ZBTB44: variants seen among roughly 807,000 people sequenced by gnomAD.
The protein encoded by ZBTB44 is zinc finger and BTB domain containing 44.
In ZBTB44, 15 loss-of-function variants were observed where a neutral mutation model predicts 54.0. That is an observed-to-expected ratio of 0.28 (90% CI 0.19 to 0.43). The LOEUF (loss-of-function observed/expected upper bound fraction) is 0.43, where lower values mean the gene tolerates loss of function less well. ZBTB44 is among the 20% of genes least tolerant of loss of function. The pLI is 1.00. For synonymous variants in ZBTB44, 230 were observed against 250.1 expected (o/e 0.92, Z 0.76); for missense variants, 487 against 707.1 (o/e 0.69, Z 3.53).
chr11:130,229,606 G>C lies in ZBTB44; in HGVS notation c.*2158C>G, dbSNP rs1316933043. 6.6e-6 allele frequency: 1 copy of C among 152,178 alleles called. No homozygotes were observed. The highest frequency in any genetic ancestry group is 2.4e-5 in the African/African-American group (1 of 41,470). 9.4% of individuals were successfully genotyped at this position (152,178 alleles called of 1,614,324 possible). ...AACTTAATTTAAATGTTCATAGTTT[G>C]AGTTTAAAGCCTGTGGGAGTATGCT... On this transcript the variant is annotated 3_prime_UTR_variant, in exon 8 of 8. Transcript: ENST00000357899.
intron 1 of ZBTB44, among the ~76,000 whole-genome samples, chr11:130,281,848 GC>G (rs956083746): frequency 6.6e-6 from 1 of 152,098 alleles, no homozygotes; most frequent in South Asian, 2.1e-4. Context: ...CTCGTGATCC[GC>G]CCGCCTTGGC....
chr11:130,278,714 C>T (rs1291807614), intron 1 of ZBTB44, among the ~76,000 whole-genome samples: 1 of 152,150 alleles, frequency 6.6e-6, no homozygotes, highest in African/African-American at 2.4e-5. Context: ...AAGAAGAGCA[C>T]TGCTAGTGAA....
Position 130,238,549 on chromosome 11 carries a change from C to T in ZBTB44, c.1162G>A (p.Glu388Lys), listed in dbSNP as rs1181718028. ...LYIAPSTSST[E>K]RPSPNGPDRP... ...TCGGGACCATTTGGACTTGGTCGCT[C>T]TGTACTGCTGGTGGAAGGAGCAATG... The change falls in exon 4 of 8, where the codon GAG becomes AAG. Residue 388 changes from glutamate to lysine, a missense_variant. Around this residue, in one of 3 missense-constraint regions of ZBTB44, gnomAD observed 277 missense variants for 306.5 expected, o/e 0.90. Coordinates refer to ENST00000357899, the MANE Select transcript of ZBTB44 (RefSeq NM_001301098.2). The T allele has an allele frequency of 6.2e-7, 1 of 1,613,046 alleles. No individual in the cohort carries two copies. The highest frequency in any genetic ancestry group is 1.7e-5 in the Admixed American group (1 of 59,892).
At chr11:130,233,907 G>A (rs1176608132) in intron 6 of ZBTB44, 5 of 84,468 alleles carry the variant, frequency 5.9e-5, no homozygotes, top group African/African-American at 9.7e-5. Flanking sequence ...GGCTTTTTTT[G>A]TTTAAAAAAT....
At chr11:130,290,103 C>T (rs1046159194) in intron 1 of ZBTB44, among the ~76,000 whole-genome samples, 2 of 152,292 alleles carry the variant, frequency 1.3e-5, no homozygotes, top group South Asian at 2.1e-4. Flanking sequence ...GCCCTAAATA[C>T]AGTCACAAGT....
rs1591922833 is a variant in ZBTB44, at chr11:130,236,338, AT to A, written c.1568+454del. The A allele has an allele frequency of 4.1e-6, 4 of 970,138 alleles. No homozygotes were observed. The East Asian group carries it at 2.5e-4, about 62-fold the overall frequency. 60.1% of individuals were successfully genotyped at this position (970,138 alleles called of 1,614,324 possible). A position where few individuals can be genotyped will look rare whatever the true frequency, so the allele number is the denominator to read the frequency against. On this transcript the variant is annotated intron_variant, in intron 5 of 7. Coordinates refer to ENST00000357899, the MANE Select transcript of ZBTB44 (RefSeq NM_001301098.2). Reference sequence around the variant, plus strand: ...CACACCCACTATAGTTGCCTTTGAAATTTTTCTTACTGGCCAATGGCTATTC... The same window carrying A: ...CACACCCACTATAGTTGCCTTTGAAATTTTCTTACTGGCCAATGGCTATTC...
chr11:130,288,131 G>A (rs1412963409), intron 1 of ZBTB44, among the ~76,000 whole-genome samples: 1 of 152,152 alleles, frequency 6.6e-6, no homozygotes, highest in Non-Finnish European at 1.5e-5. Context: ...TCAGCACTAT[G>A]GGAGGCTGAG....
At chr11:130,299,225 T>G (rs1314536769) in intron 1 of ZBTB44, among the ~76,000 whole-genome samples, 1 of 152,104 alleles carries the variant, frequency 6.6e-6, no homozygotes, top group African/African-American at 2.4e-5. Context: ...TCTTAATAAA[T>G]TTTAAAGGAA....
At chr11:130,272,353 C>T (rs1939735369) in intron 1 of ZBTB44, among the ~76,000 whole-genome samples, 1 of 152,212 alleles carries the variant, frequency 6.6e-6, no homozygotes, top group African/African-American at 2.4e-5. Flanking sequence ...TTTTAATTTA[C>T]ATTTCCCTGA....
intron 1 of ZBTB44, among the ~76,000 whole-genome samples, chr11:130,278,464 G>C (rs1002238486): frequency 6.6e-6 from 1 of 152,118 alleles, no homozygotes; most frequent in African/African-American, 2.4e-5. Context: ...GTTTGTATGG[G>C]AAGTTTTCTG....
chr11:130,279,372 G>A (rs1315347408), intron 1 of ZBTB44, among the ~76,000 whole-genome samples: 1 of 151,676 alleles, frequency 6.6e-6, no homozygotes, highest in African/African-American at 2.4e-5. Flanking sequence ...TCAAAATGTG[G>A]CTCAGGTTGG....
chr11:130,268,162 G>T (rs1415198862), intron 1 of ZBTB44, among the ~76,000 whole-genome samples: 1 of 150,708 alleles, frequency 6.6e-6, no homozygotes, highest in Non-Finnish European at 1.5e-5. Context: ...GGGAGGCTGA[G>T]GCAGGAAGAC....
chr11:130,297,452 A>G (rs17174514), intron 1 of ZBTB44, among the ~76,000 whole-genome samples: 6,244 of 152,312 alleles, frequency 0.041, 316 homozygotes, highest in African/African-American at 0.12. Flanking sequence ...TTAACTTTAT[A>G]TATGTCTTGG....
At chr11:130,260,520 T>C (rs1938785577) in intron 2 of ZBTB44, among the ~76,000 whole-genome samples, 1 of 152,238 alleles carries the variant, frequency 6.6e-6, no homozygotes, top group African/African-American at 2.4e-5. Flanking sequence ...CTATGTGTTT[T>C]TCTTTATGTA....
chr11:130,255,016 T>C (rs542442683), intron 2 of ZBTB44, among the ~76,000 whole-genome samples: 5 of 131,202 alleles, frequency 3.8e-5, no homozygotes, highest in Non-Finnish European at 3.0e-5. Context: ...TAGATGGGAA[T>C]TGAACAATGA....
At chr11:130,250,374 A>G (rs1181215049) in intron 2 of ZBTB44, among the ~76,000 whole-genome samples, 1 of 152,200 alleles carries the variant, frequency 6.6e-6, no homozygotes, top group Non-Finnish European at 1.5e-5. Flanking sequence ...CAGGTTCTGA[A>G]GAGAGCAGCG....
chr11:130,239,621 A>T, intron 3 of ZBTB44, 191 bp downstream of exon 3: 1 of 436,878 alleles, frequency 2.3e-6, no homozygotes, highest in Non-Finnish European at 4.1e-6. Flanking sequence ...GTAGTTTTGG[A>T]AATGCTGGGG....
At chr11:130,249,805 C>T (rs887266972) in intron 2 of ZBTB44, among the ~76,000 whole-genome samples, 12 of 152,192 alleles carry the variant, frequency 7.9e-5, no homozygotes, top group East Asian at 3.9e-4. Flanking sequence ...ACTAGGGCCC[C>T]GGGTTTCAAG....
At chr11:130,255,650 C>G (rs904153422) in intron 2 of ZBTB44, among the ~76,000 whole-genome samples, 1 of 151,902 alleles carries the variant, frequency 6.6e-6, no homozygotes, top group Non-Finnish European at 1.5e-5. Flanking sequence ...AGACAGACTG[C>G]TAACCAGATT....
Sources: gnomAD v4.1 joint callset for allele counts (sites outside exome capture counted in the v4.1 genomes callset) on GRCh38, gnomAD v4.1.1 for gene constraint, gnomAD v4.1.1 regional missense constraint, MANE v1.5 for transcripts, NCBI Gene and HGNC (gene_info 2026-07-23, HGNC 2026-07-21) for gene names.